Variants in ADAM10 observed in about 807,000 individuals in gnomAD.
The protein encoded by ADAM10 is ADAM metallopeptidase domain 10.
ADAM10 carries 17 observed loss-of-function variants against 90.1 expected under a neutral mutation model. The ratio of observed to expected loss-of-function variants is 0.19; its 90% CI spans 0.13 to 0.28. The LOEUF is 0.28. Ranked by LOEUF, ADAM10 falls within the 10% of genes least tolerant of loss-of-function variation. ADAM10 has a pLI of 1.00. For missense variants in ADAM10, 610 were observed against 914.3 expected (o/e 0.67, Z 4.29); for synonymous variants, 310 against 298.6 (o/e 1.04, Z -0.40).
chr15:58,746,535 TA>T (rs1181124697), intron 1 of ADAM10, among the ~76,000 whole-genome samples: 32 of 152,326 alleles, frequency 2.1e-4, no homozygotes, highest in African/African-American at 7.7e-4. Flanking sequence ...TTTATGATTC[TA>T]AACACTTTAA....
intron 14 of ADAM10, among the ~76,000 whole-genome samples, chr15:58,603,688 A>G (rs1895178244): frequency 6.6e-6 from 1 of 152,140 alleles, no homozygotes; most frequent in Non-Finnish European, 1.5e-5. Flanking sequence ...TTCCCACCAA[A>G]GATTTCCAAG....
At chr15:58,605,299 T>C (rs1275222731) in intron 14 of ADAM10, among the ~76,000 whole-genome samples, 2 of 152,110 alleles carry the variant, frequency 1.3e-5, no homozygotes, top group African/African-American at 2.4e-5. Context: ...GCCCAATGCT[T>C]GAGATGTTTT....
At chr15:58,662,597 C>T (rs1378325182) in intron 5 of ADAM10, among the ~76,000 whole-genome samples, 1 of 152,178 alleles carries the variant, frequency 6.6e-6, no homozygotes, top group Non-Finnish European at 1.5e-5. Context: ...CCTGCTGCCT[C>T]AGCCTTCTAA....
In ADAM10 at chr15:58,678,496, G is replaced by A. The variant is rs1478021142; in HGVS notation, c.484+628C>T. Among the ~76,000 whole-genome samples, 4 of 152,052 alleles carry A rather than the reference G, an allele frequency of 2.6e-5. No individual in the cohort carries two copies. In the East Asian group the frequency reaches 5.8e-4, roughly 22 times the overall value. ...ATAAATTAGAGAAATTTATTTCTGT[G>A]GTACTTCAAAGAAGCATTCCCAATA... On this transcript the variant is annotated intron_variant, in intron 4 of 15. Transcript: ENST00000260408.
chr15:58,744,954 G>T (rs760430710), intron 1 of ADAM10, among the ~76,000 whole-genome samples: 2 of 152,184 alleles, frequency 1.3e-5, no homozygotes, highest in African/African-American at 4.8e-5. Context: ...AGGCCAAGGC[G>T]GGCAGATCAC....
rs542156053 is a variant in ADAM10, at chr15:58,703,291, C to CAA, written c.206+14284_206+14285dup. Among the ~76,000 whole-genome samples, 822 of 76,056 alleles carry CAA rather than the reference C, an allele frequency of 0.011. 28 individuals are homozygous for CAA. In the East Asian group the frequency reaches 0.13, roughly 12 times the overall value. 49.9% of individuals were successfully genotyped at this position (76,056 alleles called of 152,430 possible). On this transcript the variant is annotated intron_variant, in intron 2 of 15. Coordinates refer to ENST00000260408, the MANE Select transcript of ADAM10 (RefSeq NM_001110.4). The stretch of plus-strand genomic sequence containing the variant: ...CCAGGAAAACAATTTGGTATTCCCT[C>CAA]AAAAAAAAAAAAAAAAAAAACACAC...
At chr15:58,715,993 T>G (rs549294833) in intron 2 of ADAM10, among the ~76,000 whole-genome samples, 49 of 152,308 alleles carry the variant, frequency 3.2e-4, no homozygotes, top group Non-Finnish European at 6.2e-4. Flanking sequence ...GCTTGTAATT[T>G]CATAGTACAT....
At chr15:58,717,178 T>TAC (rs3052931) in intron 2 of ADAM10, among the ~76,000 whole-genome samples, 6 of 151,680 alleles carry the variant, frequency 4.0e-5, no homozygotes, top group African/African-American at 1.5e-4. Context: ...CAGCTGTCAT[T>TAC]TTAGAACTGG....
rs150973637 is a variant in ADAM10, at chr15:58,599,550, A to G, written c.2152+48T>C. On this transcript the variant is annotated intron_variant, in intron 15 of 15. Coordinates refer to ENST00000260408, the MANE Select transcript of ADAM10 (RefSeq NM_001110.4). ...CATTTATAATTCAATTCTACCTGCT[A>G]AACAATTCTGAGTTACATAAATATG... is the stretch of plus-strand genomic sequence containing the variant. 6.2e-4 allele frequency: 999 copies of G among 1,598,418 alleles called. 5 individuals carry two copies. The African/African-American group carries it at 0.012, about 19-fold the overall frequency.
At position 58,720,369 on chromosome 15, in the gene ADAM10, CTTTTA is replaced by C. The variant is rs774200669; in HGVS notation, c.56-2647_56-2643del. ...GATAATAAAACCCACTAGCATGAAA[CTTTTA>C]TTTTATTTTATTTTATTTTATTTTA... On this transcript the variant is annotated intron_variant, in intron 1 of 15. Transcript: ENST00000260408. 2.0e-3 allele frequency among the ~76,000 whole-genome samples: 240 copies of C among 121,504 alleles called. 1 individual carries two copies. Among genetic ancestry groups the C allele is most frequent in the African/African-American group, 3.4e-3 (118 of 34,612 alleles). 79.7% of individuals were successfully genotyped at this position (121,504 alleles called of 152,430 possible).
intron 4 of ADAM10, chr15:58,676,309 A>G (rs1171851452): frequency 4.4e-6 from 2 of 455,660 alleles, no homozygotes; most frequent in African/African-American, 2.0e-5. Context: ...AAGTGGGAAT[A>G]ATAGGTGTGC....
At chr15:58,622,567 C>T (rs1247747398) in intron 10 of ADAM10, among the ~76,000 whole-genome samples, 1 of 152,020 alleles carries the variant, frequency 6.6e-6, no homozygotes, top group Non-Finnish European at 1.5e-5. Flanking sequence ...TTTTTATGTA[C>T]ATTAGTTTTG....
At chr15:58,694,250 G>C (rs1401118623) in intron 2 of ADAM10, among the ~76,000 whole-genome samples, 2 of 152,158 alleles carry the variant, frequency 1.3e-5, no homozygotes, top group Non-Finnish European at 2.9e-5. Flanking sequence ...AGGAGTTCAA[G>C]ACCAGCCTGG....
At chr15:58,703,282 G>C (rs1476545645) in intron 2 of ADAM10, among the ~76,000 whole-genome samples, 1 of 122,706 alleles carries the variant, frequency 8.1e-6, no homozygotes, top group East Asian at 2.6e-4. Flanking sequence ...AAACAATTTG[G>C]TATTCCCTCA....
At chr15:58,659,523 A>G (rs905745284) in intron 5 of ADAM10, among the ~76,000 whole-genome samples, 1 of 152,130 alleles carries the variant, frequency 6.6e-6, no homozygotes. Flanking sequence ...CAAATTTTCT[A>G]ATGTTAATCA....
At chr15:58,679,029 G>C in intron 4 of ADAM10, 95 bp downstream of exon 4, 1 of 1,254,238 alleles carries the variant, frequency 8.0e-7, no homozygotes, top group Non-Finnish European at 1.1e-6. Context: ...TAGTAACTCA[G>C]GAAAGAAAAC....
intron 1 of ADAM10, 83 bp downstream of exon 1, chr15:58,749,397 G>A (rs1899904688): frequency 1.5e-6 from 2 of 1,302,244 alleles, no homozygotes; most frequent in Non-Finnish European, 2.0e-6. Context: ...CGCGCACGCC[G>A]CGAGGCGCGA....
intron 8 of ADAM10, among the ~76,000 whole-genome samples, chr15:58,634,862 C>T (rs1896206779): frequency 6.6e-6 from 1 of 152,096 alleles, no homozygotes; most frequent in Non-Finnish European, 1.5e-5. Flanking sequence ...CCATTCTCCC[C>T]ACTTCAAAAA....
At chr15:58,616,447 C>A (rs535379305) in intron 11 of ADAM10, among the ~76,000 whole-genome samples, 3 of 152,250 alleles carry the variant, frequency 2.0e-5, no homozygotes, top group South Asian at 4.1e-4. Flanking sequence ...CTGAACACAA[C>A]AGAATGAAAC....
Sources: allele counts gnomAD v4.1 joint callset (sites outside exome capture counted in the v4.1 genomes callset), GRCh38; gene constraint gnomAD v4.1.1; transcripts MANE v1.5; gene names NCBI Gene and HGNC (gene_info 2026-07-23, HGNC 2026-07-21).